CCR9: variants seen among roughly 807,000 people sequenced by gnomAD.
The protein encoded by CCR9 is C-C chemokine receptor type 9.
CCR9 carries 4 observed loss-of-function variants against 8.7 expected under a neutral mutation model. The ratio of observed to expected loss-of-function variants is 0.46; its 90% CI spans 0.23 to 1.06. The LOEUF is 1.06. CCR9 is among the 50% of genes least tolerant of loss of function. CCR9 has a pLI of 0.21. For missense variants in CCR9, 394 were observed against 453.6 expected (o/e 0.87, Z 1.19); for synonymous variants, 159 against 168.8 (o/e 0.94, Z 0.45).
At chr3:45,897,634 C>G in intron 2 of CCR9, 3 of 1,532,556 alleles carry the variant, frequency 2.0e-6, no homozygotes, top group Non-Finnish European at 2.6e-6. Flanking sequence ...GACCTTAGCC[C>G]AGGACTAACA....
chr3:45,890,896 A>G (rs578232996), intron 1 of CCR9, among the ~76,000 whole-genome samples: 1 of 152,364 alleles, frequency 6.6e-6, no homozygotes, highest in Admixed American at 6.5e-5. Context: ...TTTAATGATG[A>G]AAGAAATGTT....
At position 45,900,123 on chromosome 3, in the gene CCR9, C is replaced by G. The variant is rs924453389; in HGVS notation, c.22-687C>G. On this transcript the variant is annotated intron_variant, in intron 2 of 2. Coordinates refer to ENST00000357632, the MANE Select transcript of CCR9 (RefSeq NM_031200.3). The surrounding 1 kb of genome is among the most constrained non-coding windows in gnomAD (Gnocchi z 4.7). Reference sequence around the variant, plus strand: ...CAACCCACACAGTCACATAGGGGCCCTGTGCTTAGAAGTGCTGCTTGTTTG... The same window carrying G: ...CAACCCACACAGTCACATAGGGGCCGTGTGCTTAGAAGTGCTGCTTGTTTG... Among the ~76,000 whole-genome samples the G allele has an allele frequency of 6.6e-6, 1 of 152,172 alleles. No homozygotes were observed. The highest frequency in any genetic ancestry group is 1.5e-5 in the Non-Finnish European group (1 of 68,038).
In CCR9 at chr3:45,902,951, G is replaced by A. The variant is rs1575309154; in HGVS notation, c.*1053G>A. The A allele has an allele frequency of 6.0e-6, 1 of 167,020 alleles. No individual in the cohort carries two copies. Among genetic ancestry groups the A allele is most frequent in the East Asian group, 1.9e-4 (1 of 5,210 alleles). The allele number at this position is 167,020 out of a possible 1,614,324, so 10.3% of individuals were successfully genotyped here. On this transcript the variant is annotated 3_prime_UTR_variant, in exon 3 of 3. Transcript: ENST00000357632. Reference sequence around the variant, plus strand: ...ACTCTATAGTGGCAACATTTTAAAAGCTTTTAACTTAGAGATTAGGCTGAA... The same window carrying A: ...ACTCTATAGTGGCAACATTTTAAAAACTTTTAACTTAGAGATTAGGCTGAA...
chr3:45,892,202 G>GTCTA (rs899144863), intron 1 of CCR9, among the ~76,000 whole-genome samples: 8 of 152,086 alleles, frequency 5.3e-5, no homozygotes, highest in Admixed American at 5.2e-4. Context: ...TATACAAATT[G>GTCTA]TCTATCTATC....
At chr3:45,895,131 C>G in intron 2 of CCR9, 177 bp downstream of exon 2, 1 of 669,828 alleles carries the variant, frequency 1.5e-6, no homozygotes, top group Non-Finnish European at 2.6e-6. Context: ...GAGGGTTTTG[C>G]AAATGCAAAG....
chr3:45,892,196 C>T (rs1177620898), intron 1 of CCR9, among the ~76,000 whole-genome samples: 1 of 152,124 alleles, frequency 6.6e-6, no homozygotes, highest in African/African-American at 2.4e-5. Flanking sequence ...TATACATATA[C>T]AAATTGTCTA....
intron 1 of CCR9, among the ~76,000 whole-genome samples, chr3:45,890,306 T>TATATATATATAAATATATATAAC (rs1702122687): frequency 1.9e-4 from 3 of 15,452 alleles, no homozygotes; most frequent in Non-Finnish European, 2.9e-4. Flanking sequence ...ATATATAACA[T>TATATATATATAAATATATATAAC]ATATATATAT....
At chr3:45,892,359 A>T (rs957052626) in intron 1 of CCR9, among the ~76,000 whole-genome samples, 2 of 152,222 alleles carry the variant, frequency 1.3e-5, no homozygotes, top group Admixed American at 1.3e-4. Context: ...GTACATATAC[A>T]TCATGGAATA....
chr3:45,896,976 C>T (rs1485420532), intron 2 of CCR9, among the ~76,000 whole-genome samples: 1 of 152,194 alleles, frequency 6.6e-6, no homozygotes, highest in Non-Finnish European at 1.5e-5. Flanking sequence ...AGCTCTGGGA[C>T]CTTCTTCCTG....
rs773565091 is a variant in CCR9, at chr3:45,894,918, A to C, written c.-16A>C. 4.3e-6 allele frequency: 7 copies of C among 1,614,034 alleles called. No individual in the cohort carries two copies. The South Asian group carries it at 7.7e-5, about 18-fold the overall frequency. ...GTCCCTTTTCCAGGAGCAGGCTTGC[A>C]TCTGACTGACCCACCATGACACCCA... On this transcript the variant is annotated 5_prime_UTR_variant, in exon 2 of 3. Coordinates refer to ENST00000357632, the MANE Select transcript of CCR9 (RefSeq NM_031200.3).
Position 45,901,858 on chromosome 3 carries a change from CTA to C in CCR9, c.1072_1073del (p.Met358ValfsTer17). On this transcript the variant is annotated frameshift_variant, in exon 3 of 3. Coordinates refer to ENST00000357632, the MANE Select transcript of CCR9 (RefSeq NM_031200.3). LOFTEE classifies it high-confidence loss of function. This position sits in a 1 kb window ranked among gnomAD's most constrained non-coding sequence, Gnocchi z 4.3. ...AGAGAGGGAAGCTTGAAGCTGTCGT[CTA>C]TGTTGCTGGAGACAACCTCAGGAGC... 1 of 1,610,168 alleles carries C rather than the reference CTA, an allele frequency of 6.2e-7. No individual in the cohort carries two copies.
intron 2 of CCR9, among the ~76,000 whole-genome samples, chr3:45,897,221 G>C (rs1702383873): frequency 6.6e-6 from 1 of 152,198 alleles, no homozygotes; most frequent in Admixed American, 6.5e-5. Flanking sequence ...AAAACTATGA[G>C]TGTGAGTCAT....
intron 1 of CCR9, among the ~76,000 whole-genome samples, chr3:45,890,985 A>G (rs1319399829): frequency 6.6e-6 from 1 of 152,236 alleles, no homozygotes; most frequent in Non-Finnish European, 1.5e-5. Flanking sequence ...GAGGGAAAAC[A>G]ACAGAAAGTT....
intron 2 of CCR9, among the ~76,000 whole-genome samples, chr3:45,895,713 T>TA (rs35514118): frequency 0.012 from 1,698 of 139,800 alleles, 24 homozygotes; most frequent in African/African-American, 0.037. Context: ...GACTCTGTCT[T>TA]AAAAAAAAAA....
In CCR9 at chr3:45,900,942, C is replaced by A. The variant is rs1702531543; in HGVS notation, c.154C>A (p.Pro52Thr). The change falls in exon 3 of 3, where the codon CCA becomes ACA. Residue 52 changes from proline to threonine, a missense_variant. Transcript: ENST00000357632. The surrounding 1 kb of genome is among the most constrained non-coding windows in gnomAD (Gnocchi z 4.7). Reference protein sequence around the residue: ...NVRQFASHFLPPLYWLVFIVG... With the variant: ...NVRQFASHFLTPLYWLVFIVG... ...CAGGCAGTTTGCGAGCCATTTCCTCCCACCCTTGTACTGGCTCGTGTTCAT... is the reference window on the plus strand; with the variant it reads ...CAGGCAGTTTGCGAGCCATTTCCTCACACCCTTGTACTGGCTCGTGTTCAT... 6.2e-7 allele frequency: 1 copy of A among 1,614,218 alleles called. No homozygotes were observed.
In CCR9 at chr3:45,901,475, C is replaced by T. The variant is rs1468625224; in HGVS notation, c.687C>T (p.Val229=). The T allele has an allele frequency of 6.2e-7, 1 of 1,614,034 alleles. No individual in the cohort carries two copies. The highest frequency in any genetic ancestry group is 8.5e-7 in the Non-Finnish European group (1 of 1,180,028). ...VILGFFLPFV[V]MACCYTIIIH... ...TGGGGTTCTTCCTTCCCTTCGTGGT[C>T]ATGGCTTGCTGCTATACCATCATCA... Residue 229 remains valine (V), a synonymous_variant, in exon 3 of 3, where the codon GTC becomes GTT. Coordinates refer to ENST00000357632, the MANE Select transcript of CCR9 (RefSeq NM_031200.3). The surrounding 1 kb of genome is among the most constrained non-coding windows in gnomAD (Gnocchi z 4.3).
rs1054371168 is a variant in CCR9 at position 45,900,299 on chromosome 3, G to T, written c.22-511G>T. On this transcript the variant is annotated intron_variant, in intron 2 of 2. Transcript: ENST00000357632. The surrounding 1 kb of genome is among the most constrained non-coding windows in gnomAD (Gnocchi z 4.7). ...TGCATGTGTATGTGGGTGTATGCTG[G>T]TGCTCCCGGAGCTTTCAGGAAACTC... Among the ~76,000 whole-genome samples, 2 of 152,128 alleles carry T rather than the reference G, an allele frequency of 1.3e-5. No homozygotes were observed. The highest frequency in any genetic ancestry group is 4.8e-5 in the African/African-American group (2 of 41,426).
chr3:45,893,511 G>A (rs968004064), intron 1 of CCR9, among the ~76,000 whole-genome samples: 2 of 152,198 alleles, frequency 1.3e-5, no homozygotes, highest in Non-Finnish European at 2.9e-5. Context: ...CTTTCCGTCA[G>A]TATAGATTAG....
At chr3:45,896,000 C>G (rs1439939662) in intron 2 of CCR9, among the ~76,000 whole-genome samples, 1 of 152,184 alleles carries the variant, frequency 6.6e-6, no homozygotes, top group Admixed American at 6.5e-5. Context: ...GTGGTTGAAA[C>G]AGTTTATCAA....
Sources: allele counts gnomAD v4.1 joint callset (sites outside exome capture counted in the v4.1 genomes callset), GRCh38; gene constraint gnomAD v4.1.1; non-coding constraint Gnocchi (gnomAD v3.1); transcripts MANE v1.5; gene names NCBI Gene and HGNC (gene_info 2026-07-23, HGNC 2026-07-21).